KDM4C: variants seen among roughly 807,000 people sequenced by gnomAD.
The protein encoded by KDM4C is lysine demethylase 4C.
Under a neutral mutation model 129.3 loss-of-function variants are expected in KDM4C, and 81 were observed. The observed-to-expected ratio is 0.63, with a 90% CI of 0.52 to 0.75. The LOEUF (loss-of-function observed/expected upper bound fraction) is 0.75, where lower values mean the gene tolerates loss of function less well. Among genes scored for constraint, KDM4C ranks in the 30% least tolerant of loss-of-function variants. The probability of loss-of-function intolerance (pLI) is 0.00; values close to 1 mark genes in which losing one functional copy is unlikely to be tolerated. For synonymous variants in KDM4C, 573 were observed against 456.1 expected (o/e 1.26, Z -3.26); for missense variants, 1,457 against 1,304.0 (o/e 1.12, Z -1.81).
At chr9:7,154,518 C>G (rs771928064) in intron 19 of KDM4C, among the ~76,000 whole-genome samples, 1 of 152,136 alleles carries the variant, frequency 6.6e-6, no homozygotes, top group Non-Finnish European at 1.5e-5. Flanking sequence ...CTAGGGATCC[C>G]TTTAGAAGGG....
chr9:6,964,951 C>A (rs1257201247), intron 8 of KDM4C, among the ~76,000 whole-genome samples: 1 of 151,086 alleles, frequency 6.6e-6, no homozygotes, highest in African/African-American at 2.4e-5. Flanking sequence ...GAGACTTCGT[C>A]GGGAAAAAAA....
At chr9:6,966,581 A>G (rs1297251680) in intron 8 of KDM4C, among the ~76,000 whole-genome samples, 2 of 152,232 alleles carry the variant, frequency 1.3e-5, no homozygotes, top group Non-Finnish European at 2.9e-5. Flanking sequence ...TGTAGATATG[A>G]TTGTTTATGA....
rs115698162 is a variant in KDM4C at position 6,750,338 on chromosome 9, C to A, written c.49+29341C>A. ...CCTGTAGCCCCAGCTACTCAGGGGG[C>A]TACGGCAGGAGAATCGCTTGAACCT... On this transcript the variant is annotated intron_variant, in intron 1 of 17. Coordinates refer to the KDM4C transcript ENST00000536108. Among the ~76,000 whole-genome samples the A allele has an allele frequency of 5.8e-3, 886 of 151,684 alleles. 6 individuals are homozygous for A. Among genetic ancestry groups the A allele is most frequent in the African/African-American group, 0.019 (793 of 41,366 alleles).
Position 7,013,969 on chromosome 9 carries a change from C to T in KDM4C, c.2150C>T (p.Ser717Phe), listed in dbSNP as rs756276449. The T allele has an allele frequency of 1.9e-6, 3 of 1,613,916 alleles. No individual in the cohort carries two copies. The highest frequency in any genetic ancestry group is 2.5e-6 in the Non-Finnish European group (3 of 1,179,860). Residue 717 changes from serine to phenylalanine, a missense_variant, in exon 14 of 22, where the codon TCC becomes TTC. Ser to Phe is a radical substitution (Grantham distance 155). Transcript: ENST00000381309. Reference sequence around the variant, plus strand: ...GAGGATGGAACAAGTCTCCTTATTTCCTGTGCAAAGTGCTGCGTACGGGTT... The same window carrying T: ...GAGGATGGAACAAGTCTCCTTATTTTCTGTGCAAAGTGCTGCGTACGGGTT... ...LEEDGTSLLI[S>F]CAKCCVRVHA...
intron 19 of KDM4C, among the ~76,000 whole-genome samples, chr9:7,131,811 C>T (rs529442937): frequency 6.6e-6 from 1 of 152,238 alleles, no homozygotes; most frequent in South Asian, 2.1e-4. Flanking sequence ...AAGATCGTGG[C>T]AGAATAATTA....
At chr9:7,023,095 G>C (rs1215637182) in intron 15 of KDM4C, among the ~76,000 whole-genome samples, 1 of 152,110 alleles carries the variant, frequency 6.6e-6, no homozygotes, top group Admixed American at 6.5e-5. Flanking sequence ...CAGGGCTATT[G>C]GCTGTGGTTT....
chr9:7,103,358 T>G (rs1837317216), intron 17 of KDM4C, among the ~76,000 whole-genome samples: 1 of 152,196 alleles, frequency 6.6e-6, no homozygotes, highest in South Asian at 2.1e-4. Flanking sequence ...CATTCATGGA[T>G]TATTTATAGG....
At chr9:6,977,091 A>G (rs962406828) in intron 8 of KDM4C, among the ~76,000 whole-genome samples, 1 of 152,102 alleles carries the variant, frequency 6.6e-6, no homozygotes, top group Non-Finnish European at 1.5e-5. Flanking sequence ...CAAGCCATCC[A>G]CCTGCCTCGG....
chr9:7,166,695 A>C (rs1356075387), intron 20 of KDM4C, among the ~76,000 whole-genome samples: 2 of 152,232 alleles, frequency 1.3e-5, no homozygotes, highest in Non-Finnish European at 2.9e-5. Context: ...ATAAGTGCAA[A>C]AGCAAAGCTT....
At chr9:7,031,877 A>G (rs1038533269) in intron 15 of KDM4C, among the ~76,000 whole-genome samples, 4 of 152,172 alleles carry the variant, frequency 2.6e-5, no homozygotes, top group African/African-American at 9.7e-5. Context: ...CTGAGGTGTA[A>G]TGGTCTTCAT....
At chr9:6,720,887 C>T (rs1182830540) in exon 1 of KDM4C, 4 of 1,447,200 alleles carry the variant, frequency 2.8e-6, no homozygotes, top group Non-Finnish European at 3.8e-6. Context: ...GGTCTGTGAC[C>T]TGAAAGTTGT....
intron 4 of KDM4C, among the ~76,000 whole-genome samples, chr9:6,817,677 A>T (rs1832368895): frequency 6.6e-6 from 1 of 152,012 alleles, no homozygotes; most frequent in Non-Finnish European, 1.5e-5. Context: ...AAAGTAGTAT[A>T]TGTACATGTA....
intron 2 of KDM4C, among the ~76,000 whole-genome samples, chr9:6,804,236 TG>T (rs1033961875): frequency 2.8e-4 from 43 of 152,380 alleles, no homozygotes; most frequent in African/African-American, 1.0e-3. Flanking sequence ...ACTGGTGTGC[TG>T]AGGCACCTTA....
At chr9:6,812,359 C>T (rs549300278) in intron 3 of KDM4C, among the ~76,000 whole-genome samples, 5 of 152,118 alleles carry the variant, frequency 3.3e-5, no homozygotes, top group African/African-American at 4.8e-5. Context: ...TCCTAATAAA[C>T]AGCATCTCTG....
intron 4 of KDM4C, among the ~76,000 whole-genome samples, chr9:6,826,171 G>A (rs1004429621): frequency 3.9e-5 from 6 of 151,966 alleles, no homozygotes; most frequent in African/African-American, 1.5e-4. Context: ...CTTGAGCTGG[G>A]GAAAAGTTTT....
intron 17 of KDM4C, among the ~76,000 whole-genome samples, chr9:7,090,894 G>C (rs937754452): frequency 6.6e-6 from 1 of 152,182 alleles, no homozygotes; most frequent in South Asian, 2.1e-4. Flanking sequence ...TGTGACTACT[G>C]AGAACTGTAC....
At chr9:6,853,958 A>G (rs1309884597) in intron 5 of KDM4C, among the ~76,000 whole-genome samples, 1 of 152,216 alleles carries the variant, frequency 6.6e-6, no homozygotes, top group Non-Finnish European at 1.5e-5. Flanking sequence ...TATACTGTGT[A>G]TAAATGCTTT....
At chr9:7,056,666 T>C (rs1425211260) in intron 17 of KDM4C, among the ~76,000 whole-genome samples, 1 of 152,234 alleles carries the variant, frequency 6.6e-6, no homozygotes, top group Admixed American at 6.5e-5. Context: ...TTTTCAGTTT[T>C]GAAGTCATTT....
At chr9:6,742,578 T>TTCC (rs1817737253) in intron 1 of KDM4C, among the ~76,000 whole-genome samples, 1 of 149,074 alleles carries the variant, frequency 6.7e-6, no homozygotes, top group African/African-American at 2.5e-5. Context: ...TTTTTTGTAC[T>TTCC]GCACTTTTTC....
Sources: gnomAD v4.1 joint callset for allele counts (sites outside exome capture counted in the v4.1 genomes callset) on GRCh38, gnomAD v4.1.1 for gene constraint, MANE v1.5 for transcripts, NCBI Gene and HGNC (gene_info 2026-07-23, HGNC 2026-07-21) for gene names.